The following NTRK3 variants were observed in gnomAD, a reference collection of about 807,000 sequenced individuals.
The protein encoded by NTRK3 is neurotrophic receptor tyrosine kinase 3.
A neutral mutation model predicts 91.7 loss-of-function variants in NTRK3; 24 were observed. That is an observed-to-expected ratio of 0.26 (90% CI 0.19 to 0.37). The LOEUF (loss-of-function observed/expected upper bound fraction) is 0.37, where lower values mean the gene tolerates loss of function less well. Ranked by LOEUF, NTRK3 falls within the 10% of genes least tolerant of loss-of-function variation. The pLI, the probability that NTRK3 is intolerant of heterozygous loss-of-function variation, is 1.00. For missense variants in NTRK3, 880 were observed against 1,068.9 expected, an observed-to-expected ratio of 0.82 and a Z score of 2.46; for synonymous variants, 483 against 404.0, an observed-to-expected ratio of 1.20 and a Z score of -2.34.
At chr15:88,154,424 C>A (rs995242398) in intron 5 of NTRK3, among the ~76,000 whole-genome samples, 1 of 152,262 alleles carries the variant, frequency 6.6e-6, no homozygotes, top group Non-Finnish European at 1.5e-5. Flanking sequence ...GACAAGGAAG[C>A]AACTGCTGCC....
chr15:88,008,403 C>A (rs1035937776), intron 14 of NTRK3, among the ~76,000 whole-genome samples: 1 of 152,090 alleles, frequency 6.6e-6, no homozygotes, highest in Non-Finnish European at 1.5e-5. Flanking sequence ...GCCAAATTCA[C>A]TTGTACATGT....
intron 14 of NTRK3, among the ~76,000 whole-genome samples, chr15:87,956,786 G>A (rs2071710254): frequency 6.6e-6 from 1 of 151,734 alleles, no homozygotes; most frequent in African/African-American, 2.4e-5. Context: ...TGGCCAGGCT[G>A]GTCTGGAACT....
intron 14 of NTRK3, among the ~76,000 whole-genome samples, chr15:87,970,953 T>C (rs942617411): frequency 6.6e-6 from 1 of 152,174 alleles, no homozygotes; most frequent in Non-Finnish European, 1.5e-5. Context: ...ATTATTAAGA[T>C]GGCCAAAGAC....
chr15:88,239,637 G>A (rs1187453276), intron 3 of NTRK3, among the ~76,000 whole-genome samples: 1 of 152,258 alleles, frequency 6.6e-6, no homozygotes, highest in East Asian at 1.9e-4. Context: ...CACATCAGGG[G>A]TGCAGAGAGA....
At chr15:87,878,771 C>T (rs1442675783) in intron 18 of NTRK3, among the ~76,000 whole-genome samples, 1 of 152,192 alleles carries the variant, frequency 6.6e-6, no homozygotes, top group East Asian at 1.9e-4. Context: ...AAACTGCAAA[C>T]ACCCTGTTAG....
At chr15:88,144,086 T>C (rs964159486) in intron 6 of NTRK3, 1 of 152,176 alleles carries the variant, frequency 6.6e-6, no homozygotes, top group African/African-American at 2.4e-5. Flanking sequence ...TCCTACTTCA[T>C]TCTTTATCTC....
chr15:87,867,848 A>AAAATT (rs2141395798), exon 19 of NTRK3: 1 of 226,790 alleles, frequency 4.4e-6, no homozygotes, highest in East Asian at 6.4e-5. Flanking sequence ...TTTCCCCCAG[A>AAAATT]AAATTAATTA....
chr15:88,021,950 C>T lies in NTRK3; in HGVS notation c.1585+10907G>A, dbSNP rs1349096179. Among the ~76,000 whole-genome samples the T allele has an allele frequency of 2.6e-5, 4 of 152,038 alleles. No homozygotes were observed. The South Asian group carries it at 8.3e-4, about 32-fold the overall frequency. On this transcript the variant is annotated intron_variant, in intron 14 of 18. Transcript: ENST00000394480. ...GGGAGAAGGAGATCTTTTTCCCTTT[C>T]CCTGATTTTTAACTTCTGCCCTTAA...
At chr15:87,906,770 AC>A (rs1303320886) in intron 17 of NTRK3, among the ~76,000 whole-genome samples, 2 of 152,126 alleles carry the variant, frequency 1.3e-5, no homozygotes, top group Non-Finnish European at 2.9e-5. Flanking sequence ...AACTACCACC[AC>A]CAACACCACC....
Position 88,234,679 on chromosome 15 carries a change from C to G in NTRK3, c.248+21227G>C, listed in dbSNP as rs982607589. On this transcript the variant is annotated intron_variant, in intron 3 of 18. Coordinates refer to ENST00000394480, the Ensembl canonical transcript of NTRK3. The surrounding 1 kb of genome is among the most constrained non-coding windows in gnomAD (Gnocchi z 6.1). ...TCACAGAAATCTGTACAACCTTGTG[C>G]TTCTTTCTCCAACACATTTATTACA... Among the ~76,000 whole-genome samples the G allele has an allele frequency of 3.9e-5, 6 of 152,198 alleles. No individual in the cohort carries two copies. The highest frequency in any genetic ancestry group is 1.4e-4 in the African/African-American group (6 of 41,450).
chr15:88,089,315 C>T (rs1011570950), intron 13 of NTRK3, among the ~76,000 whole-genome samples: 1 of 152,176 alleles, frequency 6.6e-6, no homozygotes, highest in Non-Finnish European at 1.5e-5. Context: ...AAAAATGCAT[C>T]TTATTTAACC....
At chr15:88,217,170 G>A (rs1447037990) in intron 3 of NTRK3, among the ~76,000 whole-genome samples, 1 of 152,168 alleles carries the variant, frequency 6.6e-6, no homozygotes, top group Non-Finnish European at 1.5e-5. Flanking sequence ...ATGTAAAATG[G>A]TACAACCACT....
At chr15:87,910,030 G>A (rs2066995445) in intron 17 of NTRK3, among the ~76,000 whole-genome samples, 1 of 152,210 alleles carries the variant, frequency 6.6e-6, no homozygotes, top group Non-Finnish European at 1.5e-5. Context: ...GTGGAAATAA[G>A]CAACTGGCGC....
At chr15:88,226,942 G>A (rs2050726201) in intron 3 of NTRK3, among the ~76,000 whole-genome samples, 1 of 152,186 alleles carries the variant, frequency 6.6e-6, no homozygotes, top group Non-Finnish European at 1.5e-5. Context: ...CATCTGACCT[G>A]AGCTCTCATC....
chr15:87,927,632 T>G (rs145840785), intron 17 of NTRK3: 4 of 152,300 alleles, frequency 2.6e-5, no homozygotes, highest in African/African-American at 9.6e-5. Flanking sequence ...GGGAAGTTAC[T>G]AGGTTATGAG....
chr15:87,965,198 G>A lies in NTRK3; in HGVS notation c.1586-24445C>T, dbSNP rs1231985236. On this transcript the variant is annotated intron_variant, in intron 14 of 18. Coordinates refer to ENST00000394480, the Ensembl canonical transcript of NTRK3. ...TAACAGTGTTGTCTCTGGGTGATGG[G>A]ATGGTGGATAATTTATGTGTTTGTG... Among the ~76,000 whole-genome samples the A allele has an allele frequency of 2.0e-5, 3 of 152,244 alleles. No homozygotes were observed. The South Asian group carries it at 6.2e-4, about 31-fold the overall frequency.
At chr15:87,933,971 T>C (rs180867220) in intron 15 of NTRK3, among the ~76,000 whole-genome samples, 1 of 152,172 alleles carries the variant, frequency 6.6e-6, no homozygotes, top group East Asian at 1.9e-4. Flanking sequence ...GAGAAAGAGG[T>C]GCAAACCAGG....
chr15:88,179,234 C>G (rs1167763934), intron 5 of NTRK3, among the ~76,000 whole-genome samples: 24 of 152,170 alleles, frequency 1.6e-4, no homozygotes, highest in Admixed American at 1.6e-3. Flanking sequence ...ATGTGGTTTT[C>G]TAAACATAGT....
intron 3 of NTRK3, among the ~76,000 whole-genome samples, chr15:88,244,039 T>G (rs1271581555): frequency 6.6e-6 from 1 of 152,182 alleles, no homozygotes; most frequent in East Asian, 1.9e-4. Context: ...CCACACCACC[T>G]GCAAGATCAG....
Sources: gnomAD v4.1 joint callset for allele counts (sites outside exome capture counted in the v4.1 genomes callset) on GRCh38, gnomAD v4.1.1 for gene constraint, Gnocchi (gnomAD v3.1) non-coding constraint, MANE v1.5 for transcripts, NCBI Gene and HGNC (gene_info 2026-07-23, HGNC 2026-07-21) for gene names.